ATP1A2: variants seen among roughly 807,000 people sequenced by gnomAD.
ATP1A2 encodes sodium/potassium-transporting ATPase subunit alpha-2.
ATP1A2 carries 56 observed loss-of-function variants against 113.1 expected under a neutral mutation model. That is an observed-to-expected ratio of 0.49 (90% confidence interval 0.40 to 0.62). The LOEUF (loss-of-function observed/expected upper bound fraction) is 0.62, where lower values mean the gene tolerates loss of function less well. Among genes scored for constraint, ATP1A2 ranks in the 20% least tolerant of loss-of-function variants. The probability of loss-of-function intolerance (pLI) is 0.00; values close to 1 mark genes in which losing one functional copy is unlikely to be tolerated. For synonymous variants in ATP1A2, 490 were observed against 526.8 expected, an observed-to-expected ratio of 0.93 and a Z score of 0.96; for missense variants, 712 against 1,357.8, an observed-to-expected ratio of 0.52 and a Z score of 7.47.
intron 1 of ATP1A2, among the ~76,000 whole-genome samples, chr1:160,119,199 C>T (rs1651288301): frequency 1.1e-5 from 1 of 89,526 alleles, no homozygotes; most frequent in Non-Finnish European, 2.1e-5. Flanking sequence ...GAAAATTGCT[C>T]CAAAAAAAGT....
intron 21 of ATP1A2, 37 bp from the exon 22 acceptor site, chr1:160,139,856 C>T (rs1183460212): frequency 6.2e-7 from 1 of 1,612,550 alleles, no homozygotes; most frequent in Admixed American, 1.7e-5. Flanking sequence ...CCAAGCCAAC[C>T]TCTGATGCTG....
Position 160,136,913 on chromosome 1 carries a change from C to A in ATP1A2, c.2722C>A (p.Arg908=), listed in dbSNP as rs758772895. 4 of 1,614,140 alleles carry A rather than the reference C, an allele frequency of 2.5e-6. No homozygotes were observed. Among genetic ancestry groups the A allele is most frequent in the Non-Finnish European group, 3.4e-6 (4 of 1,180,006 alleles). Residue 908 remains arginine (R), a synonymous_variant, in exon 20 of 23, where the codon CGG becomes AGG. Coordinates refer to ENST00000361216, the MANE Select transcript of ATP1A2 (RefSeq NM_000702.4). Reference sequence around the variant, plus strand: ...ACCCTCCCTCCAGACCTATGAGCAGCGGAAGGTGGTGGAGTTCACGTGCCA... The same window carrying A: ...ACCCTCCCTCCAGACCTATGAGCAGAGGAAGGTGGTGGAGTTCACGTGCCA... ...SYGQEWTYEQ[R]KVVEFTCHTA...
chr1:160,129,556 T>C (rs552805842), intron 11 of ATP1A2, among the ~76,000 whole-genome samples, 156 bp downstream of exon 11: 2 of 152,238 alleles, frequency 1.3e-5, no homozygotes, highest in South Asian at 4.1e-4. Context: ...TATGACTGCA[T>C]GTCTGATTGC....
At chr1:160,129,944 A>G (rs1226090204) in intron 11 of ATP1A2, among the ~76,000 whole-genome samples, 158 bp from the exon 12 acceptor site, 1 of 152,154 alleles carries the variant, frequency 6.6e-6, no homozygotes, top group Non-Finnish European at 1.5e-5. Flanking sequence ...TGGAACTGTG[A>G]GGTCTAAACA....
intron 1 of ATP1A2, among the ~76,000 whole-genome samples, chr1:160,119,275 A>AAAAAAAAAAAAAAAAC (rs1651295194): frequency 6.7e-6 from 1 of 149,740 alleles, no homozygotes; most frequent in Non-Finnish European, 1.5e-5. Context: ...AAAAAAAAAA[A>AAAAAAAAAAAAAAAAC]AAAAAAAAGC....
chr1:160,139,960 C>T lies in ATP1A2; in HGVS notation c.3010C>T (p.Leu1004Phe), dbSNP rs867671432. Residue 1004 changes from leucine to phenylalanine, a missense_variant, in exon 22 of 23, where the codon CTC becomes TTC. Around this residue, in one of 6 missense-constraint regions of ATP1A2, gnomAD observed 188 missense variants for 438.9 expected, o/e 0.43. Transcript: ENST00000361216. The part of the protein sequence containing the change: ...LIFIYDEVRK[L>F]ILRRYPGGWV... ...CTTCATCTATGATGAGGTCCGAAAG[C>T]TCATCCTGCGGCGGTATCCTGGTGG... 3.7e-6 allele frequency: 6 copies of T among 1,614,092 alleles called. No individual in the cohort carries two copies. The highest frequency in any genetic ancestry group is 5.1e-6 in the Non-Finnish European group (6 of 1,180,038).
At chr1:160,116,541 A>AC (rs11331051) in intron 1 of ATP1A2, among the ~76,000 whole-genome samples, 12,437 of 149,024 alleles carry the variant, frequency 0.083, 616 homozygotes, top group Admixed American at 0.11. Flanking sequence ...GTGACAGGTG[A>AC]CCCCCCCCCC....
At chr1:160,137,959 GA>G (rs749500422) in intron 20 of ATP1A2, among the ~76,000 whole-genome samples, 1 of 152,024 alleles carries the variant, frequency 6.6e-6, no homozygotes, top group African/African-American at 2.4e-5. Flanking sequence ...AATACTAATG[GA>G]AAAAAAATGC....
At chr1:160,132,270 C>T (rs6686067) in intron 13 of ATP1A2, among the ~76,000 whole-genome samples, 130,857 of 151,880 alleles carry the variant, frequency 0.86, 56,725 homozygotes, top group African/African-American at 0.92. Context: ...GACTGGAACA[C>T]TGGGTCAGAG....
At chr1:160,140,626 C>G in intron 22 of ATP1A2, 1 of 168,334 alleles carries the variant, frequency 5.9e-6, no homozygotes, top group South Asian at 1.4e-4. Flanking sequence ...CTGTTAATCC[C>G]ATGTCCACAT....
chr1:160,134,235 C>CCATACA (rs1553245617), intron 13 of ATP1A2, among the ~76,000 whole-genome samples: 4 of 122,888 alleles, frequency 3.3e-5, no homozygotes, highest in Admixed American at 8.2e-5. Flanking sequence ...CAATCCCCAC[C>CCATACA]CACACACACA....
Position 160,139,343 on chromosome 1 carries a change from G to T in ATP1A2, c.2841-297G>T, listed in dbSNP as rs148135201. ...GAGCAATAACAAGATCATGAGACAG[G>T]CCCCATGTTGACCACCGTGTCTCCA... is the stretch of plus-strand genomic sequence containing the variant. On this transcript the variant is annotated intron_variant, in intron 20 of 22. Coordinates refer to ENST00000361216, the MANE Select transcript of ATP1A2 (RefSeq NM_000702.4). Among the ~76,000 whole-genome samples, 368 of 152,178 alleles carry T rather than the reference G, an allele frequency of 2.4e-3. 2 individuals carry two copies. The highest frequency in any genetic ancestry group is 8.4e-3 in the African/African-American group (349 of 41,498).
chr1:160,127,796 T>A lies in ATP1A2; in HGVS notation c.993T>A (p.Pro331=), dbSNP rs773614984. The A allele has an allele frequency of 6.8e-6, 11 of 1,609,402 alleles. No individual in the cohort carries two copies. Among genetic ancestry groups the A allele is most frequent in the Non-Finnish European group, 8.5e-6 (10 of 1,177,128 alleles). Residue 331 remains proline, a synonymous_variant, in exon 8 of 23, where the codon CCT becomes CCA. Transcript: ENST00000361216. ...TCGGCATCATAGTGGCCAACGTGCC[T>A]GAGGGGCTTCTGGCCACTGTCACTG... ...FLIGIIVANV[P]EGLLATVTVC...
Position 160,136,244 on chromosome 1 carries a change from C to G in ATP1A2, c.2440-3C>G. On this transcript the variant is annotated splice_polypyrimidine_tract_variant and splice_region_variant and intron_variant, in intron 17 of 22. Coordinates refer to ENST00000361216, the MANE Select transcript of ATP1A2 (RefSeq NM_000702.4). ...TCCCTGCCCCATTTCCTACCCCACA[C>G]AGGTCCCTGCCATCTCCTTGGCCTA... The G allele has an allele frequency of 6.2e-7, 1 of 1,614,180 alleles. No homozygotes were observed. Among genetic ancestry groups the G allele is most frequent in the Non-Finnish European group, 8.5e-7 (1 of 1,180,038 alleles).
intron 1 of ATP1A2, among the ~76,000 whole-genome samples, chr1:160,116,545 C>G (rs1291010871): frequency 6.6e-6 from 1 of 151,994 alleles, no homozygotes; most frequent in African/African-American, 2.4e-5. Flanking sequence ...CAGGTGACCC[C>G]CCCCCCAGTC....
At position 160,141,868 on chromosome 1, in the gene ATP1A2, G is replaced by A. The variant is rs62621782; in HGVS notation, c.*546G>A. On this transcript the variant is annotated 3_prime_UTR_variant, in exon 23 of 23. Coordinates refer to ENST00000361216, the MANE Select transcript of ATP1A2 (RefSeq NM_000702.4). ...GAAAAGGTGGACTTGTCTCCCAGTC[G>A]AGGCTGGTAAGGGACCTTCAGGGAG... 0.033 allele frequency: 5,440 copies of A among 165,116 alleles called. 117 individuals are homozygous for A. Among genetic ancestry groups the A allele is most frequent in the African/African-American group, 0.05 (2,084 of 41,988 alleles). The allele number at this position is 165,116 out of a possible 1,614,324, so 10.2% of individuals were successfully genotyped here.
At chr1:160,124,232 C>T in intron 5 of ATP1A2, 64 bp from the exon 6 acceptor site, 1 of 1,558,128 alleles carries the variant, frequency 6.4e-7, no homozygotes, top group Non-Finnish European at 8.7e-7. Flanking sequence ...GTGTGGGAGA[C>T]CAGCAGGAGA....
At chr1:160,122,867 C>T (rs1259553225) in intron 3 of ATP1A2, among the ~76,000 whole-genome samples, 1 of 152,134 alleles carries the variant, frequency 6.6e-6, no homozygotes, top group Non-Finnish European at 1.5e-5. Context: ...ATAAAATAAT[C>T]TGAAGGAAGA....
chr1:160,128,010 T>C (rs1245133409), intron 8 of ATP1A2, among the ~76,000 whole-genome samples, 190 bp downstream of exon 8: 2 of 152,220 alleles, frequency 1.3e-5, no homozygotes, highest in African/African-American at 4.8e-5. Flanking sequence ...GGGGCTATTC[T>C]TAGGCACTCA....
Sources: gnomAD v4.1 joint callset for allele counts (sites outside exome capture counted in the v4.1 genomes callset) on GRCh38, gnomAD v4.1.1 for gene constraint, gnomAD v4.1.1 regional missense constraint, MANE v1.5 for transcripts, NCBI Gene and HGNC (gene_info 2026-07-23, HGNC 2026-07-21) for gene names.